The following CYP3A5 variants were observed in gnomAD, a reference collection of about 807,000 sequenced individuals.
CYP3A5 encodes cytochrome P450 3A5.
In CYP3A5, 51 loss-of-function variants were observed where a neutral mutation model predicts 55.9. The ratio of observed to expected loss-of-function variants is 0.91; its 90% confidence interval spans 0.73 to 1.15. The LOEUF (loss-of-function observed/expected upper bound fraction) is 1.15. Ranked by LOEUF, CYP3A5 falls within the 50% of genes most tolerant of loss-of-function variation. The pLI, the probability that CYP3A5 is intolerant of heterozygous loss-of-function variation, is 0.00. For missense variants in CYP3A5, 533 were observed against 596.6 expected, an observed-to-expected ratio of 0.89 and a Z score of 1.11; for synonymous variants, 196 against 213.9, an observed-to-expected ratio of 0.92 and a Z score of 0.73.
intron 1 of CYP3A5, chr7:99,677,087 A>G: frequency 1.4e-6 from 1 of 710,072 alleles, no homozygotes; most frequent in South Asian, 6.3e-5. Flanking sequence ...CTGTACGTGA[A>G]GTATCTCTGA....
At chr7:99,664,335 C>G (rs1228965450) in intron 7 of CYP3A5, among the ~76,000 whole-genome samples, 1 of 152,114 alleles carries the variant, frequency 6.6e-6, no homozygotes, top group African/African-American at 2.4e-5. Flanking sequence ...TTGGAGTGAC[C>G]AAAGTAATAG....
intron 3 of CYP3A5, chr7:99,674,270 T>C: frequency 8.8e-6 from 3 of 341,508 alleles, no homozygotes; most frequent in Non-Finnish European, 1.6e-5. Context: ...AAAACAGTTA[T>C]GAGATTCTTC....
intron 10 of CYP3A5, among the ~76,000 whole-genome samples, chr7:99,654,446 G>A (rs1391075208): frequency 6.6e-6 from 1 of 152,200 alleles, no homozygotes; most frequent in Non-Finnish European, 1.5e-5. Context: ...ATTCCATGGT[G>A]TATATGTGCC....
At chr7:99,650,962 A>C (rs1282179747) in intron 11 of CYP3A5, among the ~76,000 whole-genome samples, 1 of 152,212 alleles carries the variant, frequency 6.6e-6, no homozygotes, top group Non-Finnish European at 1.5e-5. Flanking sequence ...TGATTTCTAA[A>C]TATTTGATTA....
chr7:99,658,727 C>T lies in CYP3A5; in HGVS notation c.1026+1772G>A, dbSNP rs562877510. On this transcript the variant is annotated intron_variant, in intron 10 of 12. Coordinates refer to ENST00000222982, the MANE Select transcript of CYP3A5 (RefSeq NM_000777.5). ...GTCACTTTCAGGTACACCAATCAGA[C>T]GTAGATTTGGTCTTTTCACATAGTC... 8 of 152,296 alleles carry T rather than the reference C, an allele frequency of 5.3e-5. No homozygotes were observed. In the East Asian group the frequency reaches 7.7e-4, roughly 15 times the overall value. 9.4% of individuals were successfully genotyped at this position (152,296 alleles called of 1,614,324 possible).
chr7:99,665,216 G>GT lies in CYP3A5; in HGVS notation c.619dup (p.Thr207AsnfsTer2). ...GAAACCAAATTTTAGGAACTTCTTA[G>GT]TGCTCTCCACAAAGGGGTCTTGTGG... On this transcript the variant is annotated frameshift_variant, in exon 7 of 13. Transcript: ENST00000222982. LOFTEE classifies it high-confidence loss of function. 6.2e-7 allele frequency: 1 copy of GT among 1,614,100 alleles called. No individual in the cohort carries two copies. The highest frequency in any genetic ancestry group is 8.5e-7 in the Non-Finnish European group (1 of 1,179,944).
intron 12 of CYP3A5, among the ~76,000 whole-genome samples, chr7:99,649,674 A>G (rs1178133114): frequency 2.0e-5 from 3 of 152,186 alleles, no homozygotes; most frequent in Non-Finnish European, 2.9e-5. Context: ...GGTGATTCCA[A>G]TATACAGCTA....
At chr7:99,676,584 G>A (rs964107320) in intron 1 of CYP3A5, 1 of 1,348,798 alleles carries the variant, frequency 7.4e-7, no homozygotes, top group African/African-American at 1.5e-5. Flanking sequence ...ATCCTAGGTA[G>A]AAAGAGTAAG....
At chr7:99,670,676 T>C (rs1811517990) in intron 4 of CYP3A5, among the ~76,000 whole-genome samples, 1 of 152,224 alleles carries the variant, frequency 6.6e-6, no homozygotes, top group South Asian at 2.1e-4. Flanking sequence ...CAATGACAAA[T>C]ATCCCTTGCT....
intron 4 of CYP3A5, among the ~76,000 whole-genome samples, chr7:99,668,662 TTAAC>T (rs1248787523): frequency 3.9e-5 from 6 of 152,208 alleles, no homozygotes; most frequent in African/African-American, 1.4e-4. Flanking sequence ...GCCATTAAAA[TTAAC>T]TAACAAAGAG....
intron 11 of CYP3A5, among the ~76,000 whole-genome samples, chr7:99,650,767 T>C (rs958345987): frequency 3.3e-5 from 5 of 151,936 alleles, no homozygotes; most frequent in African/African-American, 1.2e-4. Context: ...TCCTCCTCCT[T>C]CTCTTCCTTT....
chr7:99,652,633 C>T lies in CYP3A5; in HGVS notation c.1173G>A (p.Gly391=). Residue 391 remains glycine (G), a synonymous_variant, in exon 11 of 13, where the codon GGG becomes GGA. Coordinates refer to ENST00000222982, the MANE Select transcript of CYP3A5 (RefSeq NM_000777.5). ...CATAAGTTGGAATCACCACCATTGACCCTTTGGGAATGAATACCCCATTGA... is the reference window on the plus strand; with the variant it reads ...CATAAGTTGGAATCACCACCATTGATCCTTTGGGAATGAATACCCCATTGA... ...VEINGVFIPK[G]SMVVIPTYAL... 6.2e-7 allele frequency: 1 copy of T among 1,614,080 alleles called. No individual in the cohort carries two copies. The highest frequency in any genetic ancestry group is 8.5e-7 in the Non-Finnish European group (1 of 1,180,004).
intron 10 of CYP3A5, among the ~76,000 whole-genome samples, chr7:99,654,550 A>G (rs1287694895): frequency 6.6e-6 from 1 of 152,234 alleles, no homozygotes; most frequent in Middle Eastern, 3.2e-3. Context: ...ATAAGTGTGC[A>G]TGTGTGTTTA....
chr7:99,674,284 T>C (rs1350013447), intron 3 of CYP3A5: 2 of 365,814 alleles, frequency 5.5e-6, no homozygotes, highest in Non-Finnish European at 9.8e-6. Flanking sequence ...ATTCTTCTCA[T>C]ATTTTCTATG....
chr7:99,660,092 T>G (rs538161792), intron 10 of CYP3A5: 2 of 536,160 alleles, frequency 3.7e-6, no homozygotes, highest in Admixed American at 1.2e-4. Context: ...TCTCCAACAA[T>G]CCCCATTGAG....
rs1160985786 is a variant in CYP3A5, at chr7:99,676,388, G to A, written c.72-180C>T. The stretch of plus-strand genomic sequence containing the variant: ...CATCAGGTCCTTTCCTGACTATTCT[G>A]AGACCCCTGAAAAGTCTCAATGATT... On this transcript the variant is annotated intron_variant, in intron 1 of 12. Coordinates refer to ENST00000222982, the MANE Select transcript of CYP3A5 (RefSeq NM_000777.5). 3 of 1,517,658 alleles carry A rather than the reference G, an allele frequency of 2.0e-6. No homozygotes were observed. The African/African-American group carries it at 4.1e-5, about 21-fold the overall frequency. 94.0% of individuals were successfully genotyped at this position (1,517,658 alleles called of 1,614,324 possible).
At chr7:99,672,792 G>A (rs1390735924) in intron 3 of CYP3A5, 113 bp from the exon 4 acceptor site, 94 of 1,549,820 alleles carry the variant, frequency 6.1e-5, no homozygotes, top group Non-Finnish European at 7.9e-5. Context: ...ACCCCTAGTT[G>A]TACGACACAC....
chr7:99,675,445 A>G (rs1812124300), intron 2 of CYP3A5, among the ~76,000 whole-genome samples: 1 of 151,922 alleles, frequency 6.6e-6, no homozygotes, highest in African/African-American at 2.4e-5. Context: ...TTCAGTTGTG[A>G]GAGTTAGAAT....
Position 99,679,840 on chromosome 7 carries a change from C to T in CYP3A5, c.57G>A (p.Leu19=). The T allele has an allele frequency of 1.9e-6, 3 of 1,614,120 alleles. No homozygotes were observed. The highest frequency in any genetic ancestry group is 2.5e-6 in the Non-Finnish European group (3 of 1,179,994). The change falls in exon 1 of 13, where the codon CTG becomes CTA. Residue 19 remains leucine, a synonymous_variant. Transcript: ENST00000222982. The part of the protein sequence containing the change: ...VETWLLLAVS[L]VLLYLYGTRT... The stretch of plus-strand genomic sequence containing the variant: ...CAGTTACTCACAGATAGAGGAGCAC[C>T]AGGCTGACAGCCAGGAGAAGCCAGG...
Sources: gnomAD v4.1 joint callset for allele counts (sites outside exome capture counted in the v4.1 genomes callset) on GRCh38, gnomAD v4.1.1 for gene constraint, MANE v1.5 for transcripts, NCBI Gene and HGNC (gene_info 2026-07-23, HGNC 2026-07-21) for gene names.